The following SLC24A2 variants were observed in gnomAD, a reference collection of about 807,000 sequenced individuals.
The protein encoded by SLC24A2 is solute carrier family 24 member 2.
In SLC24A2, 36 loss-of-function variants were observed where a neutral mutation model predicts 62.0. That is an observed-to-expected ratio of 0.58 (90% CI 0.44 to 0.77). The LOEUF (loss-of-function observed/expected upper bound fraction) is 0.77, where lower values mean the gene tolerates loss of function less well. Ranked by LOEUF, SLC24A2 falls within the 30% of genes least tolerant of loss-of-function variation. The pLI, the probability that SLC24A2 is intolerant of heterozygous loss-of-function variation, is 0.00. For synonymous variants in SLC24A2, 358 were observed against 294.0 expected, an observed-to-expected ratio of 1.22 and a Z score of -2.23; for missense variants, 846 against 817.9, an observed-to-expected ratio of 1.03 and a Z score of -0.42.
At chr9:19,756,846 C>T (rs189281502) in intron 2 of SLC24A2, among the ~76,000 whole-genome samples, 5 of 143,464 alleles carry the variant, frequency 3.5e-5, no homozygotes, top group East Asian at 4.3e-4. Context: ...GGAGAGAAAA[C>T]GTGACATCAG....
At chr9:19,685,011 A>G (rs1819838111) in intron 2 of SLC24A2, among the ~76,000 whole-genome samples, 1 of 152,130 alleles carries the variant, frequency 6.6e-6, no homozygotes, top group Admixed American at 6.6e-5. Flanking sequence ...TTCAGGATAA[A>G]AATTAATGTA....
the SLC24A2 span, among the ~76,000 whole-genome samples, chr9:20,222,365 A>C: frequency 6.6e-6 from 1 of 152,020 alleles, no homozygotes; most frequent in Non-Finnish European, 1.5e-5. Context: ...AAAACAATCA[A>C]CGTAAGTATT....
At chr9:20,151,821 C>T in the SLC24A2 span, among the ~76,000 whole-genome samples, 1 of 151,762 alleles carries the variant, frequency 6.6e-6, no homozygotes, top group South Asian at 2.1e-4. Flanking sequence ...GTTAATCTTT[C>T]CCCTACTAGA....
At chr9:19,655,784 GA>G (rs1819080023) in intron 2 of SLC24A2, among the ~76,000 whole-genome samples, 2 of 152,146 alleles carry the variant, frequency 1.3e-5, no homozygotes, top group Admixed American at 6.5e-5. Context: ...CTGGTGGGTG[GA>G]GGTTGCCTGA....
chr9:19,547,708 C>T (rs1440368574), intron 8 of SLC24A2, among the ~76,000 whole-genome samples: 1 of 151,566 alleles, frequency 6.6e-6, no homozygotes, highest in Non-Finnish European at 1.5e-5. Flanking sequence ...CAATCTGCCC[C>T]CATCTTCTGG....
At chr9:19,895,862 G>A in the SLC24A2 span, 2 of 1,611,544 alleles carry the variant, frequency 1.2e-6, no homozygotes, top group Non-Finnish European at 8.5e-7. Flanking sequence ...GCAAAGAAGG[G>A]GTGCAGCAGG....
intron 5 of SLC24A2, among the ~76,000 whole-genome samples, chr9:19,585,111 A>G (rs1191870059): frequency 6.6e-6 from 1 of 152,182 alleles, no homozygotes; most frequent in Admixed American, 6.5e-5. Context: ...TTTCCTTATT[A>G]AGAACTTTTT....
intron 2 of SLC24A2, among the ~76,000 whole-genome samples, chr9:19,649,478 G>A (rs1440694368): frequency 6.6e-6 from 1 of 152,106 alleles, no homozygotes; most frequent in Non-Finnish European, 1.5e-5. Context: ...ATAGGGGTGG[G>A]GGTAGGGGGT....
the SLC24A2 span, among the ~76,000 whole-genome samples, chr9:19,911,946 C>A: frequency 5.1e-3 from 779 of 152,196 alleles, 9 homozygotes; most frequent in African/African-American, 0.018. Flanking sequence ...CATTACATGC[C>A]ATTGAGCCTT....
the SLC24A2 span, among the ~76,000 whole-genome samples, chr9:20,144,779 C>T: frequency 6.6e-6 from 1 of 151,800 alleles, no homozygotes; most frequent in Non-Finnish European, 1.5e-5. Flanking sequence ...TTGCCTCGTT[C>T]GGTGCTATAT....
intron 5 of SLC24A2, among the ~76,000 whole-genome samples, chr9:19,593,928 A>T (rs1329235398): frequency 6.6e-6 from 1 of 152,120 alleles, no homozygotes; most frequent in East Asian, 1.9e-4. Flanking sequence ...GATCATTATG[A>T]TAGATGATAT....
intron 1 of SLC24A2, 38 bp downstream of exon 1, chr9:19,788,847 G>T: frequency 1.0e-6 from 1 of 985,478 alleles, no homozygotes; most frequent in South Asian, 4.7e-5. Flanking sequence ...CGCCACAGCG[G>T]CTACAGCGGC....
At chr9:19,902,898 C>G in the SLC24A2 span, among the ~76,000 whole-genome samples, 2 of 152,296 alleles carry the variant, frequency 1.3e-5, no homozygotes, top group Admixed American at 6.5e-5. Flanking sequence ...TTTATTTCCT[C>G]CCTAAATCAC....
chr9:20,181,411 C>A, the SLC24A2 span, among the ~76,000 whole-genome samples: 1 of 152,118 alleles, frequency 6.6e-6, no homozygotes, highest in Non-Finnish European at 1.5e-5. Flanking sequence ...GTCACCAAAA[C>A]GGCATGGTAC....
At chr9:20,254,072 C>G in the SLC24A2 span, among the ~76,000 whole-genome samples, 1 of 152,154 alleles carries the variant, frequency 6.6e-6, no homozygotes, top group Non-Finnish European at 1.5e-5. Context: ...GAAAATAAAA[C>G]TGCTGATAGT....
the SLC24A2 span, among the ~76,000 whole-genome samples, chr9:20,292,003 TG>T: frequency 6.6e-6 from 1 of 151,950 alleles, no homozygotes; most frequent in African/African-American, 2.4e-5. Flanking sequence ...GGGTGTCAGG[TG>T]GAAAATTGGG....
At chr9:19,909,067 G>C in the SLC24A2 span, among the ~76,000 whole-genome samples, 1 of 152,258 alleles carries the variant, frequency 6.6e-6, no homozygotes, top group South Asian at 2.1e-4. Flanking sequence ...CAATAGCAAA[G>C]ACTTGGAACT....
intron 2 of SLC24A2, chr9:19,705,468 G>T: frequency 5.0e-6 from 1 of 198,752 alleles, no homozygotes; most frequent in Non-Finnish European, 1.1e-5. Flanking sequence ...TGGGCATCCA[G>T]TGCATGTACC....
At chr9:20,302,910 C>T in the SLC24A2 span, among the ~76,000 whole-genome samples, 396 of 152,270 alleles carry the variant, frequency 2.6e-3, 2 homozygotes, top group African/African-American at 9.1e-3. Context: ...AATGCAATGA[C>T]AGCATATTGA....
Sources: allele counts gnomAD v4.1 joint callset (sites outside exome capture counted in the v4.1 genomes callset), GRCh38; gene constraint gnomAD v4.1.1; transcripts MANE v1.5; gene names NCBI Gene and HGNC (gene_info 2026-07-23, HGNC 2026-07-21).